The following MYO1H variants were observed in gnomAD, a reference collection of about 807,000 sequenced individuals.
The protein encoded by MYO1H is unconventional myosin-Ih.
In MYO1H, 118 loss-of-function variants were observed where a neutral mutation model predicts 149.3. The ratio of observed to expected loss-of-function variants is 0.79; its 90% CI spans 0.68 to 0.92. MYO1H has a LOEUF of 0.92. Among genes scored for constraint, MYO1H ranks in the 40% least tolerant of loss-of-function variants. MYO1H has a pLI of 0.00. For synonymous variants in MYO1H, 447 were observed against 465.2 expected (o/e 0.96, Z 0.50); for missense variants, 1,212 against 1,280.7 (o/e 0.95, Z 0.82).
chr12:109,320,455 CAAAAA>C, the MYO1H span, among the ~76,000 whole-genome samples: 8 of 63,340 alleles, frequency 1.3e-4, no homozygotes, highest in South Asian at 1.6e-3. Context: ...ATTAAAAATA[CAAAAA>C]AAAAAAAAAA....
chr12:109,312,129 T>A, the MYO1H span, among the ~76,000 whole-genome samples: 1 of 152,224 alleles, frequency 6.6e-6, no homozygotes, highest in Non-Finnish European at 1.5e-5. Context: ...GAAACAGTGT[T>A]TGTACTGAAG....
intron 15 of MYO1H, among the ~76,000 whole-genome samples, chr12:109,417,834 G>T (rs1253061018): frequency 1.4e-5 from 2 of 139,916 alleles, no homozygotes; most frequent in African/African-American, 5.7e-5. Flanking sequence ...TGTTTTTTTT[G>T]AGACGGAGTC....
chr12:109,436,809 C>T (rs536740700), intron 22 of MYO1H, among the ~76,000 whole-genome samples: 1 of 152,118 alleles, frequency 6.6e-6, no homozygotes, highest in Non-Finnish European at 1.5e-5. Context: ...ATTTTGTGGG[C>T]CAGTCGCGGT....
At chr12:109,415,079 C>T (rs1185071160) in intron 14 of MYO1H, among the ~76,000 whole-genome samples, 1 of 152,162 alleles carries the variant, frequency 6.6e-6, no homozygotes, top group Non-Finnish European at 1.5e-5. Flanking sequence ...TCCTGGGAGC[C>T]TCCCTGTGTG....
chr12:109,387,365 T>C (rs757917692), intron 1 of MYO1H, among the ~76,000 whole-genome samples: 1 of 152,248 alleles, frequency 6.6e-6, no homozygotes, highest in Non-Finnish European at 1.5e-5. Context: ...CACAGTCTTA[T>C]TCTAGCTTTG....
chr12:109,442,326 A>G, intron 27 of MYO1H, 54 bp downstream of exon 27: 3 of 1,532,578 alleles, frequency 2.0e-6, no homozygotes, highest in Non-Finnish European at 1.8e-6. Context: ...CGAGTCTAAG[A>G]GCAGGGTCCC....
chr12:109,432,408 G>C (rs113045793), intron 19 of MYO1H, among the ~76,000 whole-genome samples: 2 of 152,106 alleles, frequency 1.3e-5, no homozygotes, highest in African/African-American at 2.4e-5. Flanking sequence ...CAGGCATGAG[G>C]CACCATACCC....
chr12:109,348,083 G>A (rs1322559018), intron 1 of MYO1H, 111 bp downstream of exon 1: 1 of 398,754 alleles, frequency 2.5e-6, no homozygotes, highest in East Asian at 3.6e-5. Flanking sequence ...AGAGAGAACT[G>A]GGCGTGTGAA....
chr12:109,382,168 G>A (rs1284472905), intron 1 of MYO1H, among the ~76,000 whole-genome samples: 1 of 152,132 alleles, frequency 6.6e-6, no homozygotes. Context: ...GCCCTCATGT[G>A]TCTCCTTCTG....
At chr12:109,351,188 C>T (rs528989795) in intron 1 of MYO1H, among the ~76,000 whole-genome samples, 1 of 152,164 alleles carries the variant, frequency 6.6e-6, no homozygotes, top group East Asian at 1.9e-4. Context: ...TTTCAGAGAC[C>T]TTTATTTTTA....
At chr12:109,329,921 G>T in the MYO1H span, among the ~76,000 whole-genome samples, 1 of 152,174 alleles carries the variant, frequency 6.6e-6, no homozygotes, top group Non-Finnish European at 1.5e-5. Context: ...TAGGACAGCC[G>T]TAGTCTCTGC....
chr12:109,378,919 G>A (rs188807648), intron 1 of MYO1H, among the ~76,000 whole-genome samples: 30 of 152,272 alleles, frequency 2.0e-4, no homozygotes, highest in African/African-American at 7.0e-4. Flanking sequence ...GTTGAAGAAA[G>A]TAACTAGATT....
At chr12:109,343,890 G>A (rs950371409), upstream of MYO1H, among the ~76,000 whole-genome samples, 1 of 152,164 alleles carries the variant, frequency 6.6e-6, no homozygotes, top group Admixed American at 6.6e-5. Context: ...TGCACTAGGT[G>A]TATTGCATAA....
chr12:109,350,759 A>G (rs1036568141), intron 1 of MYO1H, among the ~76,000 whole-genome samples: 4 of 152,226 alleles, frequency 2.6e-5, no homozygotes, highest in African/African-American at 9.7e-5. Context: ...TGACTTTATA[A>G]CACATCAAAG....
In MYO1H at chr12:109,429,790, G is replaced by A. The variant is rs115505339; in HGVS notation, c.1949+2204G>A. Among the ~76,000 whole-genome samples the A allele has an allele frequency of 5.8e-3, 883 of 152,280 alleles. 16 individuals carry two copies. Among genetic ancestry groups the A allele is most frequent in the African/African-American group, 0.02 (847 of 41,550 alleles). On this transcript the variant is annotated intron_variant, in intron 19 of 31. Coordinates refer to ENST00000310903, the Ensembl canonical transcript of MYO1H. ...CTCTCTGAGTGAGGAAGTGAGCCATGAGGACATTTGGTGTCTTAGTCTGTT... is the reference window on the plus strand; with the variant it reads ...CTCTCTGAGTGAGGAAGTGAGCCATAAGGACATTTGGTGTCTTAGTCTGTT...
At chr12:109,383,220 A>G (rs886130501) in intron 1 of MYO1H, among the ~76,000 whole-genome samples, 1 of 152,242 alleles carries the variant, frequency 6.6e-6, no homozygotes, top group Non-Finnish European at 1.5e-5. Flanking sequence ...GACATTTCAA[A>G]TAAAATTCAA....
At chr12:109,416,671 G>A (rs11066526) in intron 15 of MYO1H, among the ~76,000 whole-genome samples, 2 of 151,770 alleles carry the variant, frequency 1.3e-5, no homozygotes, top group Non-Finnish European at 2.9e-5. Flanking sequence ...ATATATATAC[G>A]TAGGAATGGA....
chr12:109,369,465 T>C (rs1868936950), intron 1 of MYO1H, among the ~76,000 whole-genome samples: 1 of 152,214 alleles, frequency 6.6e-6, no homozygotes, highest in South Asian at 2.1e-4. Context: ...GGGGAGAGAC[T>C]GAGGTTCAAA....
At chr12:109,353,591 A>G in intron 1 of MYO1H, among the ~76,000 whole-genome samples, 1 of 152,310 alleles carries the variant, frequency 6.6e-6, no homozygotes, top group South Asian at 2.1e-4. Context: ...CTAAAACAAT[A>G]TATAAAATGT....
Sources: gnomAD v4.1 joint callset for allele counts (sites outside exome capture counted in the v4.1 genomes callset) on GRCh38, gnomAD v4.1.1 for gene constraint, MANE v1.5 for transcripts, NCBI Gene and HGNC (gene_info 2026-07-23, HGNC 2026-07-21) for gene names.